Variants in AMZ1 observed in about 807,000 individuals in gnomAD.
The protein encoded by AMZ1 is archaemetzincin-1.
In AMZ1, 39 loss-of-function variants were observed where a neutral mutation model predicts 29.9. The observed-to-expected ratio is 1.30, with a 90% confidence interval of 1.01 to 1.70. AMZ1 has a LOEUF of 1.70. AMZ1 is among the 40% of genes most tolerant of loss of function. The pLI is 0.00. For synonymous variants in AMZ1, 458 were observed against 304.0 expected, an observed-to-expected ratio of 1.51 and a Z score of -5.27; for missense variants, 1,041 against 680.6, an observed-to-expected ratio of 1.53 and a Z score of -5.89.
chr7:2,691,284 C>T (rs73045089), intron 1 of AMZ1, among the ~76,000 whole-genome samples: 15 of 148,080 alleles, frequency 1.0e-4, no homozygotes, highest in Non-Finnish European at 1.3e-4. Flanking sequence ...GGGGAAGGTC[C>T]GTGTGTGAGG....
At chr7:2,688,541 C>T (rs994391472) in intron 1 of AMZ1, among the ~76,000 whole-genome samples, 1 of 152,124 alleles carries the variant, frequency 6.6e-6, no homozygotes, top group Non-Finnish European at 1.5e-5. Flanking sequence ...GAGGGAAGGC[C>T]GGGCCAGGGA....
At position 2,717,161 on chromosome 7, in the gene AMZ1, G is replaced by A. The variant is rs1789174577; in HGVS notation, c.*4283G>A. Among the ~76,000 whole-genome samples the A allele has an allele frequency of 6.6e-6, 1 of 152,180 alleles. No individual in the cohort carries two copies. The highest frequency in any genetic ancestry group is 6.5e-5 in the Admixed American group (1 of 15,274). On this transcript the variant is annotated 3_prime_UTR_variant, in exon 7 of 7. Coordinates refer to ENST00000683327, the MANE Select transcript of AMZ1 (RefSeq NM_001384743.1). ...TGAGGAGAGGCCTGGGTGGGTGGCC[G>A]GCACTCTTAGGTGAGGTGCCAACGA...
upstream of AMZ1, chr7:2,762,535 C>A (rs760646219): frequency 8.2e-7 from 1 of 1,212,314 alleles, no homozygotes; most frequent in African/African-American, 1.6e-5. Context: ...AGTTCCACCA[C>A]GCCTTCTATT....
chr7:2,709,928 G>A, intron 6 of AMZ1, 112 bp downstream of exon 6: 1 of 1,457,520 alleles, frequency 6.9e-7, no homozygotes, highest in Non-Finnish European at 9.3e-7. Flanking sequence ...TTTGTCAACT[G>A]CCGGGTTCCA....
chr7:2,752,716 C>A (rs1338372976), intron 4 of AMZ1, among the ~76,000 whole-genome samples: 1 of 152,062 alleles, frequency 6.6e-6, no homozygotes, highest in African/African-American at 2.4e-5. Flanking sequence ...TACTAAGAAA[C>A]GTGAATTTTT....
At chr7:2,681,256 A>C (rs1392616575) in intron 1 of AMZ1, among the ~76,000 whole-genome samples, 1 of 151,842 alleles carries the variant, frequency 6.6e-6, no homozygotes, top group Non-Finnish European at 1.5e-5. Context: ...ACGGGGTCTC[A>C]CTCTTGCCCA....
chr7:2,696,394 C>T (rs1362384312), intron 1 of AMZ1, among the ~76,000 whole-genome samples: 3 of 150,484 alleles, frequency 2.0e-5, no homozygotes, highest in African/African-American at 7.3e-5. Context: ...GTAGCTGGGA[C>T]TACAGGCGCC....
At chr7:2,696,884 AAAAAC>A (rs1787779354) in intron 1 of AMZ1, among the ~76,000 whole-genome samples, 1 of 147,010 alleles carries the variant, frequency 6.8e-6, no homozygotes, top group Non-Finnish European at 1.5e-5. Context: ...ACTCTGTCTC[AAAAAC>A]AAAAAACAAA....
intron 4 of AMZ1, among the ~76,000 whole-genome samples, chr7:2,736,778 G>A (rs188020194): frequency 2.0e-5 from 3 of 152,350 alleles, no homozygotes; most frequent in Non-Finnish European, 2.9e-5. Flanking sequence ...CGTCAGCACC[G>A]TCAGGCAGGC....
chr7:2,704,774 A>G (rs557227106), intron 3 of AMZ1, among the ~76,000 whole-genome samples: 2 of 151,288 alleles, frequency 1.3e-5, no homozygotes, highest in East Asian at 3.9e-4. Context: ...TTTTTTGCAT[A>G]TTTAGTAGAG....
chr7:2,709,963 C>T (rs760895746), intron 6 of AMZ1, 147 bp downstream of exon 6: 32 of 1,137,318 alleles, frequency 2.8e-5, no homozygotes, highest in African/African-American at 1.3e-4. Flanking sequence ...CTGGGACCTG[C>T]GCTGGGGTTG....
chr7:2,696,012 G>GA (rs372241499), intron 1 of AMZ1, among the ~76,000 whole-genome samples: 14,347 of 139,788 alleles, frequency 0.1, 881 homozygotes, highest in Non-Finnish European at 0.12. Context: ...GTCTTGGGGG[G>GA]GAAAAAAAAA....
intron 4 of AMZ1, among the ~76,000 whole-genome samples, chr7:2,750,806 A>C (rs577003189): frequency 2.0e-5 from 3 of 152,338 alleles, no homozygotes; most frequent in African/African-American, 7.2e-5. Flanking sequence ...GAAGTTACAA[A>C]GTGAGGCCTC....
intron 4 of AMZ1, among the ~76,000 whole-genome samples, chr7:2,738,134 G>T (rs141208739): frequency 6.6e-6 from 1 of 152,210 alleles, no homozygotes; most frequent in East Asian, 1.9e-4. Flanking sequence ...CAAATATTAG[G>T]TAAGAGGACC....
At chr7:2,686,881 A>AT (rs1460051066), upstream of AMZ1, among the ~76,000 whole-genome samples, 29 of 151,418 alleles carry the variant, frequency 1.9e-4, no homozygotes, top group Admixed American at 2.0e-4. Flanking sequence ...CGCCCAGCTA[A>AT]TTTTTTTATT....
intron 4 of AMZ1, chr7:2,733,629 A>C: frequency 1.4e-6 from 1 of 705,372 alleles, no homozygotes; most frequent in South Asian, 1.6e-5. Flanking sequence ...CAAAGGAAAA[A>C]GGCAGAGAGT....
At chr7:2,757,129 CTTTTTTTT>C (rs71026549) in intron 4 of AMZ1, among the ~76,000 whole-genome samples, 9 of 94,002 alleles carry the variant, frequency 9.6e-5, no homozygotes, top group Admixed American at 9.3e-4. Context: ...TCAGGTGGGC[CTTTTTTTT>C]TTTTTTTTTT....
intron 1 of AMZ1, among the ~76,000 whole-genome samples, chr7:2,682,361 C>CA (rs1156927270): frequency 6.6e-6 from 1 of 152,200 alleles, no homozygotes; most frequent in African/African-American, 2.4e-5. Context: ...GGTGGGCCCC[C>CA]AGCACACAGT....
chr7:2,744,089 G>C (rs1442104057), intron 4 of AMZ1, among the ~76,000 whole-genome samples: 1 of 152,222 alleles, frequency 6.6e-6, no homozygotes, highest in Admixed American at 6.5e-5. Flanking sequence ...TTCCCCCTCT[G>C]GGGGCAGGGC....
Sources: gnomAD v4.1 joint callset for allele counts (sites outside exome capture counted in the v4.1 genomes callset) on GRCh38, gnomAD v4.1.1 for gene constraint, MANE v1.5 for transcripts, NCBI Gene and HGNC (gene_info 2026-07-23, HGNC 2026-07-21) for gene names.